The following XIRP2 variants were observed in gnomAD, a reference collection of about 807,000 sequenced individuals.
XIRP2 encodes xin actin-binding repeat-containing protein 2.
In XIRP2, 236 loss-of-function variants were observed where a neutral mutation model predicts 277.0. The observed-to-expected ratio is 0.85, with a 90% CI of 0.77 to 0.95. The LOEUF is 0.95. XIRP2 is among the 40% of genes least tolerant of loss of function. XIRP2 has a pLI of 0.00. For synonymous variants in XIRP2, 1,490 were observed against 1,416.5 expected, an observed-to-expected ratio of 1.05 and a Z score of -1.17; for missense variants, 4,640 against 4,157.5, an observed-to-expected ratio of 1.12 and a Z score of -3.19.
chr2:166,898,385 C>A (rs1457120023), intron 1 of XIRP2, among the ~76,000 whole-genome samples: 2 of 152,174 alleles, frequency 1.3e-5, no homozygotes, highest in Non-Finnish European at 2.9e-5. Flanking sequence ...TCCTATGCCA[C>A]TGCACAGTGT....
Position 167,243,802 on chromosome 2 carries a change from G to T in XIRP2, c.2410G>T (p.Gly804Trp). 6.2e-7 allele frequency: 1 copy of T among 1,614,012 alleles called. No homozygotes were observed. The highest frequency in any genetic ancestry group is 8.5e-7 in the Non-Finnish European group (1 of 1,179,964). Residue 804 changes from glycine (G) to tryptophan (W), a missense_variant, in exon 9 of 11, where the codon GGG becomes TGG. Physicochemically the swap from Gly to Trp is radical, Grantham distance 184 (BLOSUM62 -2). Coordinates refer to ENST00000409195, the MANE Select transcript of XIRP2 (RefSeq NM_152381.6). ...ATCCATGGAAGAAAATGTCAAAGGT[G>T]GGGTGAGTAAGGCAAAGTGGTTATT... ...GISMEENVKG[G>W]VSKAKWLFET...
At chr2:166,980,054 T>A (rs970727226) in intron 2 of XIRP2, among the ~76,000 whole-genome samples, 1 of 152,202 alleles carries the variant, frequency 6.6e-6, no homozygotes, top group Non-Finnish European at 1.5e-5. Context: ...TCAAGTTAAC[T>A]ATTTCTTCTC....
intron 5 of XIRP2, among the ~76,000 whole-genome samples, chr2:167,233,311 T>C (rs760037764): frequency 5.3e-5 from 8 of 151,932 alleles, no homozygotes; most frequent in Admixed American, 6.6e-5. Context: ...TGTTAAAGAA[T>C]TTTTACTTTC....
intron 2 of XIRP2, among the ~76,000 whole-genome samples, chr2:167,131,347 T>G (rs1691370835): frequency 6.6e-6 from 1 of 152,148 alleles, no homozygotes; most frequent in South Asian, 2.1e-4. Flanking sequence ...AGTTAGCTTT[T>G]CAACATATGC....
intron 2 of XIRP2, among the ~76,000 whole-genome samples, chr2:167,054,266 G>C (rs933085030): frequency 6.6e-6 from 1 of 152,124 alleles, no homozygotes; most frequent in African/African-American, 2.4e-5. Flanking sequence ...AATAATAGAT[G>C]CTGTGAAGAT....
intron 2 of XIRP2, among the ~76,000 whole-genome samples, chr2:167,081,553 G>A (rs984327231): frequency 2.7e-5 from 4 of 147,948 alleles, no homozygotes; most frequent in African/African-American, 1.1e-4. Flanking sequence ...TTGTAAAATA[G>A]TCAGATTAAT....
In XIRP2 at chr2:167,248,107, A is replaced by G. The variant is rs1161664773; in HGVS notation, c.6715A>G (p.Asn2239Asp). 6.2e-7 allele frequency: 1 copy of G among 1,613,252 alleles called. No individual in the cohort carries two copies. The highest frequency in any genetic ancestry group is 1.7e-5 in the Admixed American group (1 of 59,862). The change falls in exon 9 of 11, where the codon AAC becomes GAC. Residue 2239 changes from asparagine to aspartate, a missense_variant. By Grantham distance (23) the Asn-to-Asp change is conservative. Coordinates refer to ENST00000409195, the MANE Select transcript of XIRP2 (RefSeq NM_152381.6). ...AAGTCACAATACATTTAAGGCAACC[A>G]ACAAAAAGCGGGAGACTGATGTTCA... ...EKSHNTFKAT[N>D]KKRETDVHLK...
At chr2:166,924,534 C>CT (rs1015402497) in intron 2 of XIRP2, among the ~76,000 whole-genome samples, 11 of 150,296 alleles carry the variant, frequency 7.3e-5, no homozygotes, top group African/African-American at 1.5e-4. Context: ...TATATTTATT[C>CT]TTTTTTTTTG....
chr2:167,072,540 T>C (rs1013331817), intron 2 of XIRP2, among the ~76,000 whole-genome samples: 4 of 152,186 alleles, frequency 2.6e-5, no homozygotes, highest in African/African-American at 9.7e-5. Context: ...AAGATCTGTA[T>C]CATATTATTC....
chr2:167,093,980 T>C (rs984916052), intron 2 of XIRP2, among the ~76,000 whole-genome samples: 1 of 151,814 alleles, frequency 6.6e-6, no homozygotes, highest in Non-Finnish European at 1.5e-5. Context: ...CAGCATCTGT[T>C]GTTTCCTAAC....
chr2:167,085,540 G>T (rs1011600012), intron 2 of XIRP2, among the ~76,000 whole-genome samples: 18 of 151,982 alleles, frequency 1.2e-4, no homozygotes, highest in Admixed American at 3.9e-4. Flanking sequence ...GTTGACAGTG[G>T]GGTGTTAAAG....
chr2:167,002,143 C>G (rs1353190352), intron 2 of XIRP2, among the ~76,000 whole-genome samples: 1 of 151,936 alleles, frequency 6.6e-6, no homozygotes, highest in Non-Finnish European at 1.5e-5. Context: ...TTAATTGTGG[C>G]CAAAATATAA....
Position 167,013,510 on chromosome 2 carries a change from T to G in XIRP2, c.408+109620T>G, listed in dbSNP as rs373940373. On this transcript the variant is annotated intron_variant, in intron 2 of 10. Coordinates refer to ENST00000409195, the MANE Select transcript of XIRP2 (RefSeq NM_152381.6). ...TCCCAAGTGATAATGATCCTTCTGG[T>G]TAGCAAGGTTCTTCCTCATATTAGA... Among the ~76,000 whole-genome samples, 15 of 151,596 alleles carry G rather than the reference T, an allele frequency of 9.9e-5. No individual in the cohort carries two copies. In the South Asian group the frequency reaches 3.1e-3, roughly 31 times the overall value.
intron 1 of XIRP2, among the ~76,000 whole-genome samples, chr2:166,896,864 T>C (rs575442692): frequency 7.4e-4 from 112 of 152,276 alleles, no homozygotes; most frequent in African/African-American, 2.2e-3. Flanking sequence ...TCTTTTATAC[T>C]ATATTTTTAC....
chr2:167,115,553 G>T (rs976084383), intron 2 of XIRP2, among the ~76,000 whole-genome samples: 6 of 152,056 alleles, frequency 3.9e-5, no homozygotes, highest in African/African-American at 1.4e-4. Context: ...GATGCTGTTG[G>T]GGGTTTGATT....
Position 166,922,214 on chromosome 2 carries a change from T to C in XIRP2, c.408+18324T>C, listed in dbSNP as rs530334708. Among the ~76,000 whole-genome samples the C allele has an allele frequency of 2.0e-5, 3 of 152,242 alleles. No individual in the cohort carries two copies. The South Asian group carries it at 6.2e-4, about 32-fold the overall frequency. On this transcript the variant is annotated intron_variant, in intron 2 of 10. Coordinates refer to ENST00000409195, the MANE Select transcript of XIRP2 (RefSeq NM_152381.6). Reference sequence around the variant, plus strand: ...GAAGCACCTTTCCTTCCCTGTTGCATTGACCCTCTGGGTAGAAGCTACCTC... The same window carrying C: ...GAAGCACCTTTCCTTCCCTGTTGCACTGACCCTCTGGGTAGAAGCTACCTC...
intron 4 of XIRP2, among the ~76,000 whole-genome samples, chr2:167,215,433 C>T (rs1438177314): frequency 6.6e-6 from 1 of 152,180 alleles, no homozygotes; most frequent in East Asian, 1.9e-4. Context: ...AACTTGAGTA[C>T]TTGCTAGTAA....
At chr2:167,020,801 A>T (rs1687962157) in intron 2 of XIRP2, among the ~76,000 whole-genome samples, 1 of 152,010 alleles carries the variant, frequency 6.6e-6, no homozygotes, top group Non-Finnish European at 1.5e-5. Context: ...TTACATCCCC[A>T]TCTGATACTT....
rs75131633 is a variant in XIRP2 at position 167,015,258 on chromosome 2, T to C, written c.408+111368T>C. ...AAAATATTTGTAGAAAATTTAAAAG[T>C]TCATATTACTGCTAGTCAACATAAA... On this transcript the variant is annotated intron_variant, in intron 2 of 10. Transcript: ENST00000409195. Among the ~76,000 whole-genome samples, 144 of 152,018 alleles carry C rather than the reference T, an allele frequency of 9.5e-4. 4 individuals carry two copies. In the East Asian group the frequency reaches 0.023, roughly 25 times the overall value.
Sources: allele counts gnomAD v4.1 joint callset (sites outside exome capture counted in the v4.1 genomes callset), GRCh38; gene constraint gnomAD v4.1.1; transcripts MANE v1.5; gene names NCBI Gene and HGNC (gene_info 2026-07-23, HGNC 2026-07-21).